The following CSGALNACT1 variants were observed in gnomAD, a reference collection of about 807,000 sequenced individuals.
CSGALNACT1 encodes beta4GalNAcT-1.
Under a neutral mutation model 51.0 loss-of-function variants are expected in CSGALNACT1, and 52 were observed. The observed-to-expected ratio is 1.02, with a 90% CI of 0.82 to 1.29. The LOEUF is 1.29. Ranked by LOEUF, CSGALNACT1 falls within the 50% of genes most tolerant of loss-of-function variation. CSGALNACT1 has a pLI of 0.00. For synonymous variants in CSGALNACT1, 341 were observed against 254.4 expected, an observed-to-expected ratio of 1.34 and a Z score of -3.24; for missense variants, 935 against 679.2, an observed-to-expected ratio of 1.38 and a Z score of -4.19.
chr8:19,529,342 G>C (rs1265919104), intron 3 of CSGALNACT1, among the ~76,000 whole-genome samples: 2 of 152,150 alleles, frequency 1.3e-5, no homozygotes, highest in African/African-American at 2.4e-5. Flanking sequence ...GAGAAGACCA[G>C]GGCATTTGTG....
upstream of CSGALNACT1, among the ~76,000 whole-genome samples, chr8:19,605,074 A>C (rs529750348): frequency 6.6e-6 from 1 of 152,308 alleles, no homozygotes; most frequent in Admixed American, 6.5e-5. Flanking sequence ...AGAAACCATA[A>C]TGACAAAAAC....
In CSGALNACT1 at chr8:19,568,834, A is replaced by C. The variant is rs534200934; in HGVS notation, c.-297+22326T>G. Among the ~76,000 whole-genome samples the C allele has an allele frequency of 3.3e-5, 5 of 152,198 alleles. No individual in the cohort carries two copies. The East Asian group carries it at 9.6e-4, about 29-fold the overall frequency. The stretch of plus-strand genomic sequence containing the variant: ...AGAGCTACCTTTAAATGTAGGTAGA[A>C]TAGACAGCTTTTTATATGGGGATAT... On this transcript the variant is annotated intron_variant, in intron 3 of 9. Coordinates refer to ENST00000454498, the Ensembl canonical transcript of CSGALNACT1.
chr8:19,753,833 C>A (rs1457144529), intron 1 of CSGALNACT1, among the ~76,000 whole-genome samples: 3 of 152,124 alleles, frequency 2.0e-5, no homozygotes, highest in Non-Finnish European at 4.4e-5. Flanking sequence ...TACCAAATAG[C>A]AAATTATTTC....
At chr8:19,654,825 C>T (rs559322621) in intron 1 of CSGALNACT1, among the ~76,000 whole-genome samples, 3 of 152,210 alleles carry the variant, frequency 2.0e-5, no homozygotes, top group African/African-American at 7.2e-5. Context: ...GGATTACAGG[C>T]ATGAGCCACT....
chr8:19,549,656 C>CTTTTTT lies in CSGALNACT1; in HGVS notation c.-297+41498_-297+41503dup, dbSNP rs542956513. On this transcript the variant is annotated intron_variant, in intron 3 of 9. Coordinates refer to ENST00000454498, the Ensembl canonical transcript of CSGALNACT1. ...TTTCTTCACTTTCCCCAATTTCCTA[C>CTTTTTT]TTTTTTTTTTTTTTTTTTTTTTTTG... 9.0e-4 allele frequency among the ~76,000 whole-genome samples: 75 copies of CTTTTTT among 83,456 alleles called. 1 individual carries two copies. The highest frequency in any genetic ancestry group is 2.6e-3 in the African/African-American group (57 of 21,688). The allele number at this position is 83,456 out of a possible 152,430, so 54.8% of individuals were successfully genotyped here.
chr8:19,706,298 T>C (rs17090867), intron 1 of CSGALNACT1, among the ~76,000 whole-genome samples: 9,981 of 152,244 alleles, frequency 0.066, 362 homozygotes, highest in South Asian at 0.11. Context: ...GTTTGTGAAC[T>C]GAAGCCAGGC....
In CSGALNACT1 at chr8:19,747,054, A is replaced by C. The variant is rs1226054872; in HGVS notation, c.-297+10796T>G. 2.0e-5 allele frequency among the ~76,000 whole-genome samples: 3 copies of C among 152,332 alleles called. No individual in the cohort carries two copies. The East Asian group carries it at 5.8e-4, about 29-fold the overall frequency. ...AAAGAAGCCCCTCCTCATGCTTTCA[A>C]GCAACCAGACAATTTTACAAGGGTC... On this transcript the variant is annotated intron_variant, in intron 1 of 1. Coordinates refer to the CSGALNACT1 transcript ENST00000517494.
intron 1 of CSGALNACT1, among the ~76,000 whole-genome samples, chr8:19,700,139 T>G (rs576874347): frequency 6.8e-6 from 1 of 146,404 alleles, no homozygotes; most frequent in African/African-American, 2.5e-5. Flanking sequence ...AAAAAAAAAC[T>G]TAGGTAAGTA....
intron 3 of CSGALNACT1, among the ~76,000 whole-genome samples, chr8:19,571,328 C>G (rs2042978243): frequency 1.3e-5 from 2 of 152,066 alleles, no homozygotes; most frequent in South Asian, 4.1e-4. Context: ...GAGCTAGTCC[C>G]TACCTAAACA....
At chr8:19,542,655 T>C (rs897945096) in intron 3 of CSGALNACT1, among the ~76,000 whole-genome samples, 1 of 152,062 alleles carries the variant, frequency 6.6e-6, no homozygotes, top group Non-Finnish European at 1.5e-5. Flanking sequence ...TGACTCCTAG[T>C]AGGAAGGTAA....
chr8:19,499,249 T>C (rs1394563599), intron 4 of CSGALNACT1, among the ~76,000 whole-genome samples: 3 of 152,158 alleles, frequency 2.0e-5, no homozygotes, highest in Non-Finnish European at 4.4e-5. Flanking sequence ...AGTCACAAAA[T>C]CTCCAAGGCT....
chr8:19,709,497 T>A (rs1277545773), intron 1 of CSGALNACT1, among the ~76,000 whole-genome samples: 2 of 152,118 alleles, frequency 1.3e-5, no homozygotes, highest in Non-Finnish European at 2.9e-5. Flanking sequence ...GGGGATCTGT[T>A]TTAGAAAGGA....
chr8:19,655,542 C>CTGTATGCACACATA (rs2058184708), intron 1 of CSGALNACT1, among the ~76,000 whole-genome samples: 1 of 104,980 alleles, frequency 9.5e-6, no homozygotes, highest in African/African-American at 3.3e-5. Flanking sequence ...ACATATACAT[C>CTGTATGCACACATA]TATATGCACA....
At chr8:19,717,367 G>C (rs1477855901) in intron 1 of CSGALNACT1, among the ~76,000 whole-genome samples, 5 of 152,200 alleles carry the variant, frequency 3.3e-5, no homozygotes, top group Non-Finnish European at 5.9e-5. Flanking sequence ...TATGACTGCA[G>C]AAAATATCTT....
At chr8:19,519,940 G>C (rs926839459) in intron 3 of CSGALNACT1, among the ~76,000 whole-genome samples, 1 of 152,190 alleles carries the variant, frequency 6.6e-6, no homozygotes, top group Non-Finnish European at 1.5e-5. Flanking sequence ...AGGATATCTG[G>C]GAACATTCCT....
chr8:19,416,456 C>A (rs984708003), intron 8 of CSGALNACT1, among the ~76,000 whole-genome samples: 3 of 152,122 alleles, frequency 2.0e-5, no homozygotes, highest in Admixed American at 2.0e-4. Context: ...CCTAAGTCTA[C>A]AGTGGTTATA....
chr8:19,461,825 C>T lies in CSGALNACT1; in HGVS notation c.635-3183G>A, dbSNP rs2065574201. On this transcript the variant is annotated intron_variant, in intron 4 of 9. Transcript: ENST00000454498. The stretch of plus-strand genomic sequence containing the variant: ...CGTATCCCCACAGCAGCCACATTAG[C>T]CATGGAGGGTGTATCTGCACAGCAG... Among the ~76,000 whole-genome samples, 6 of 64,984 alleles carry T rather than the reference C, an allele frequency of 9.2e-5. 2 individuals are homozygous for T. In the South Asian group the frequency reaches 3.6e-3, roughly 39 times the overall value. The allele number at this position is 64,984 out of a possible 152,430, so 42.6% of individuals were successfully genotyped here.
At chr8:19,427,571 G>A (rs1340254358) in intron 6 of CSGALNACT1, among the ~76,000 whole-genome samples, 1 of 151,996 alleles carries the variant, frequency 6.6e-6, no homozygotes, top group Non-Finnish European at 1.5e-5. Context: ...GGCGGATCAC[G>A]AGGTCAGGAG....
chr8:19,575,358 A>G (rs1161726474), intron 3 of CSGALNACT1, among the ~76,000 whole-genome samples: 2 of 152,228 alleles, frequency 1.3e-5, no homozygotes, highest in Non-Finnish European at 1.5e-5. Flanking sequence ...ATAGTCCAGT[A>G]TATACAGCAC....
Sources: gnomAD v4.1 joint callset for allele counts (sites outside exome capture counted in the v4.1 genomes callset) on GRCh38, gnomAD v4.1.1 for gene constraint, MANE v1.5 for transcripts, NCBI Gene and HGNC (gene_info 2026-07-23, HGNC 2026-07-21) for gene names.